The following WDR27 variants were observed in gnomAD, a reference collection of about 807,000 sequenced individuals.
WDR27 encodes WD repeat domain 27.
A neutral mutation model predicts 114.4 loss-of-function variants in WDR27; 100 were observed. That is an observed-to-expected ratio of 0.87 (90% CI 0.74 to 1.03). The LOEUF (loss-of-function observed/expected upper bound fraction) is 1.03. WDR27 is among the 50% of genes least tolerant of loss of function. The pLI, the probability that WDR27 is intolerant of heterozygous loss-of-function variation, is 0.00. For synonymous variants in WDR27, 449 were observed against 423.1 expected (o/e 1.06, Z -0.75); for missense variants, 1,129 against 1,092.9 (o/e 1.03, Z -0.47).
chr6:169,626,725 CA>C (rs1222360874), intron 21 of WDR27, among the ~76,000 whole-genome samples: 1 of 152,236 alleles, frequency 6.6e-6, no homozygotes, highest in African/African-American at 2.4e-5. Flanking sequence ...CATTGTTCCA[CA>C]ACAGAGCACT....
chr6:169,445,948 G>C, the WDR27 span, among the ~76,000 whole-genome samples: 61 of 152,372 alleles, frequency 4.0e-4, no homozygotes, highest in Middle Eastern at 0.01. Flanking sequence ...CTCTGCAACA[G>C]AGCTGGCTGC....
chr6:169,583,111 A>G (rs1803792961), intron 23 of WDR27, among the ~76,000 whole-genome samples, 177 bp from the exon 24 acceptor site: 2 of 152,144 alleles, frequency 1.3e-5, no homozygotes, highest in South Asian at 4.2e-4. Flanking sequence ...TAAAATAGGC[A>G]TCTTTTCCCC....
chr6:169,456,465 A>G (rs1299299812), downstream of WDR27, among the ~76,000 whole-genome samples: 1 of 152,214 alleles, frequency 6.6e-6, no homozygotes, highest in Non-Finnish European at 1.5e-5. This position sits in a 1 kb window ranked among gnomAD's most constrained non-coding sequence, Gnocchi z 4.0. Flanking sequence ...GGCTGGTCCC[A>G]GGAGTCCTCA....
intron 23 of WDR27, among the ~76,000 whole-genome samples, chr6:169,598,625 C>T (rs76453256): frequency 0.045 from 6,865 of 152,220 alleles, 435 homozygotes; most frequent in African/African-American, 0.14. Flanking sequence ...AACGGGGAAA[C>T]GAGAGATGTG....
At chr6:169,606,854 A>C (rs1273084041) in intron 22 of WDR27, among the ~76,000 whole-genome samples, 1 of 152,174 alleles carries the variant, frequency 6.6e-6, no homozygotes, top group African/African-American at 2.4e-5. Context: ...GGGTCAAATG[A>C]TATTTCTGGT....
chr6:169,484,760 T>A (rs943827297), intron 25 of WDR27, among the ~76,000 whole-genome samples: 7 of 152,198 alleles, frequency 4.6e-5, no homozygotes, highest in African/African-American at 1.7e-4. Flanking sequence ...TCTTATTACC[T>A]AACTTCAAAC....
At chr6:169,672,027 C>G in intron 3 of WDR27, 1 of 428,376 alleles carries the variant, frequency 2.3e-6, no homozygotes, top group Non-Finnish European at 4.1e-6. Flanking sequence ...ATAAGATCAG[C>G]ATAACAGACA....
rs914493718 is a variant in WDR27 at position 169,684,081 on chromosome 6, C to G, written c.189+4736G>C. Among the ~76,000 whole-genome samples the G allele has an allele frequency of 1.1e-4, 17 of 152,282 alleles. No individual in the cohort carries two copies. The highest frequency in any genetic ancestry group is 3.9e-4 in the African/African-American group (16 of 41,550). On this transcript the variant is annotated intron_variant, in intron 2 of 25. Coordinates refer to ENST00000448612, the MANE Select transcript of WDR27 (RefSeq NM_182552.5). The surrounding 1 kb of genome is among the most constrained non-coding windows in gnomAD (Gnocchi z 4.3). Reference sequence around the variant, plus strand: ...CATGAGTGGCTGAATGTCACAACCCCAGTTGCATGGAGCCTGGGACCAGGA... The same window carrying G: ...CATGAGTGGCTGAATGTCACAACCCGAGTTGCATGGAGCCTGGGACCAGGA...
downstream of WDR27, among the ~76,000 whole-genome samples, chr6:169,452,622 G>A (rs910773766): frequency 1.3e-5 from 2 of 152,080 alleles, no homozygotes; most frequent in Non-Finnish European, 2.9e-5. Flanking sequence ...GACGGGCATG[G>A]CAGCCGCAGG....
At chr6:169,566,956 A>C (rs955203776) in intron 25 of WDR27, among the ~76,000 whole-genome samples, 1 of 152,220 alleles carries the variant, frequency 6.6e-6, no homozygotes, top group African/African-American at 2.4e-5. Context: ...AAAATGCATA[A>C]TAGGCCAGGG....
chr6:169,571,830 C>A (rs188137253), intron 25 of WDR27, among the ~76,000 whole-genome samples: 2 of 152,204 alleles, frequency 1.3e-5, no homozygotes, highest in African/African-American at 4.8e-5. Flanking sequence ...AGAGCAAGAC[C>A]CTGTCTAAAA....
intron 23 of WDR27, among the ~76,000 whole-genome samples, chr6:169,590,799 T>G (rs994843369): frequency 6.6e-6 from 1 of 152,198 alleles, no homozygotes; most frequent in African/African-American, 2.4e-5. Context: ...TGGACAGTGG[T>G]AAATACCTGA....
intron 21 of WDR27, among the ~76,000 whole-genome samples, chr6:169,627,733 G>A (rs765058507): frequency 2.0e-5 from 3 of 152,154 alleles, no homozygotes; most frequent in Admixed American, 6.5e-5. Context: ...GGGTTCAGTT[G>A]AGATAACCTG....
intron 1 of WDR27, among the ~76,000 whole-genome samples, chr6:169,693,911 T>C (rs1245004864): frequency 1.3e-5 from 2 of 152,198 alleles, no homozygotes; most frequent in Non-Finnish European, 2.9e-5. Flanking sequence ...AATACTCCAC[T>C]GACAGCACTA....
intron 25 of WDR27, among the ~76,000 whole-genome samples, chr6:169,486,340 T>A (rs112941249): frequency 0.012 from 1,774 of 152,218 alleles, 38 homozygotes; most frequent in African/African-American, 0.041. Context: ...TTATTAAGTA[T>A]ATACCCAGTG....
chr6:169,659,568 C>CAT lies in WDR27; in HGVS notation c.1130-52_1130-51dup, dbSNP rs760266117. ...GAACATGATGGGGAGGGAGGTAGCACATACACACGGAGTCACTGCCCAGAG... is the reference window on the plus strand; with the variant it reads ...GAACATGATGGGGAGGGAGGTAGCACATATACACACGGAGTCACTGCCCAGAG... On this transcript the variant is annotated intron_variant, in intron 10 of 25. Transcript: ENST00000448612. This position sits in a 1 kb window ranked among gnomAD's most constrained non-coding sequence, Gnocchi z 4.3. The CAT allele has an allele frequency of 6.4e-6, 10 of 1,552,480 alleles. 1 individual carries two copies. In the South Asian group the frequency reaches 9.4e-5, roughly 15 times the overall value.
chr6:169,534,421 CCTCTT>C (rs1361209116), intron 25 of WDR27, among the ~76,000 whole-genome samples: 2 of 152,078 alleles, frequency 1.3e-5, no homozygotes, highest in South Asian at 4.1e-4. Context: ...TGTATTCTCT[CCTCTT>C]CTATCTATTG....
chr6:169,691,248 CG>C (rs1784435166), intron 1 of WDR27, among the ~76,000 whole-genome samples: 1 of 151,968 alleles, frequency 6.6e-6, no homozygotes. Flanking sequence ...TTTAAAAAAA[CG>C]TAATTTTTAA....
intron 13 of WDR27, among the ~76,000 whole-genome samples, chr6:169,653,439 T>C (rs1823152584): frequency 6.6e-6 from 1 of 152,162 alleles, no homozygotes; most frequent in African/African-American, 2.4e-5. Context: ...TATCTTATAA[T>C]GAAAAAAGTA....
Sources: gnomAD v4.1 joint callset for allele counts (sites outside exome capture counted in the v4.1 genomes callset) on GRCh38, gnomAD v4.1.1 for gene constraint, Gnocchi (gnomAD v3.1) non-coding constraint, MANE v1.5 for transcripts, NCBI Gene and HGNC (gene_info 2026-07-23, HGNC 2026-07-21) for gene names.